UBE2W: variants seen among roughly 807,000 people sequenced by gnomAD.
UBE2W encodes the protein ubiquitin conjugating enzyme E2 W, also known as ubiquitin-conjugating enzyme E2 W.
UBE2W carries 18 observed loss-of-function variants against 27.2 expected under a neutral mutation model. The ratio of observed to expected loss-of-function variants is 0.66; its 90% confidence interval spans 0.46 to 0.98. The LOEUF is 0.98. UBE2W is among the 50% of genes least tolerant of loss of function. The probability of loss-of-function intolerance (pLI) is 0.00; values close to 1 mark genes in which losing one functional copy is unlikely to be tolerated. For missense variants in UBE2W, 90 were observed against 180.2 expected (o/e 0.50, Z 2.87); for synonymous variants, 53 against 57.2 (o/e 0.93, Z 0.33).
At chr8:73,856,312 C>T (rs915951736) in intron 1 of UBE2W, among the ~76,000 whole-genome samples, 11 of 150,782 alleles carry the variant, frequency 7.3e-5, no homozygotes, top group African/African-American at 2.4e-4. Flanking sequence ...CACTTTCTAC[C>T]TTTAAACACC....
chr8:73,807,324 TG>T (rs1368451235), intron 4 of UBE2W, among the ~76,000 whole-genome samples: 14 of 152,262 alleles, frequency 9.2e-5, no homozygotes, highest in Admixed American at 5.2e-4. Context: ...TGAAAATAAG[TG>T]AATTTGGTAT....
chr8:73,808,260 G>C (rs541948944), intron 4 of UBE2W, among the ~76,000 whole-genome samples: 51 of 152,268 alleles, frequency 3.3e-4, no homozygotes, highest in Non-Finnish European at 5.9e-4. Context: ...TTTTGAGACA[G>C]AGTCTTGCTC....
intron 1 of UBE2W, among the ~76,000 whole-genome samples, chr8:73,868,263 C>A (rs923997061): frequency 6.6e-6 from 1 of 152,096 alleles, no homozygotes; most frequent in Non-Finnish European, 1.5e-5. Flanking sequence ...TCAATCATGC[C>A]TAAGTAATGA....
chr8:73,793,278 T>G lies in UBE2W; in HGVS notation c.*824A>C. ...CAAATAACAAGCCCAAATTATGGAC[T>G]GCAGCAATTTAATCATCACTGCCAT... is the stretch of plus-strand genomic sequence containing the variant. On this transcript the variant is annotated 3_prime_UTR_variant, in exon 6 of 6. Coordinates refer to ENST00000602593, the MANE Select transcript of UBE2W (RefSeq NM_018299.6). 1 of 985,868 alleles carries G rather than the reference T, an allele frequency of 1.0e-6. No individual in the cohort carries two copies. Among genetic ancestry groups the G allele is most frequent in the Non-Finnish European group, 1.2e-6 (1 of 829,924 alleles). 61.1% of individuals were successfully genotyped at this position (985,868 alleles called of 1,614,324 possible).
At chr8:73,846,787 G>A (rs1810820938) in intron 1 of UBE2W, among the ~76,000 whole-genome samples, 1 of 152,222 alleles carries the variant, frequency 6.6e-6, no homozygotes, top group Non-Finnish European at 1.5e-5. Context: ...TAAGGTCGTA[G>A]TGTTTAAGAA....
At chr8:73,802,783 G>A (rs1342113282) in intron 5 of UBE2W, among the ~76,000 whole-genome samples, 2 of 152,166 alleles carry the variant, frequency 1.3e-5, no homozygotes, top group African/African-American at 2.4e-5. Context: ...CAGCACTTTG[G>A]GAGGCCGAGG....
At chr8:73,826,202 TTCATATATAACAA>T (rs1362659684) in intron 2 of UBE2W, among the ~76,000 whole-genome samples, 1 of 152,224 alleles carries the variant, frequency 6.6e-6, no homozygotes, top group East Asian at 1.9e-4. Context: ...AGCCTTTGTT[TTCATATATAACAA>T]TCATAAACAT....
intron 5 of UBE2W, among the ~76,000 whole-genome samples, chr8:73,804,849 G>C (rs1447101058): frequency 2.0e-5 from 3 of 151,638 alleles, no homozygotes; most frequent in Admixed American, 6.6e-5. Flanking sequence ...TCATGCATCA[G>C]CCTCCAGTGG....
chr8:73,860,111 G>A (rs527842231), intron 1 of UBE2W, among the ~76,000 whole-genome samples: 3 of 143,498 alleles, frequency 2.1e-5, no homozygotes, highest in South Asian at 4.7e-4. Context: ...TTACATACAG[G>A]AAGCTTAAGA....
chr8:73,827,847 A>AT (rs1809914700), intron 2 of UBE2W, among the ~76,000 whole-genome samples: 1 of 152,174 alleles, frequency 6.6e-6, no homozygotes, highest in African/African-American at 2.4e-5. Flanking sequence ...GCCAGGACTA[A>AT]TAAGTTTGTA....
intron 1 of UBE2W, among the ~76,000 whole-genome samples, chr8:73,876,422 G>C (rs1812223831): frequency 6.6e-6 from 1 of 152,052 alleles, no homozygotes; most frequent in African/African-American, 2.4e-5. Context: ...TATTCTTAAA[G>C]ATACTACCAG....
chr8:73,870,168 T>C (rs1466848203), intron 1 of UBE2W: 3 of 1,207,342 alleles, frequency 2.5e-6, no homozygotes, highest in African/African-American at 1.5e-5. Context: ...GAAGAAAAAA[T>C]TGTGCATTAA....
At chr8:73,856,955 C>T (rs1811327384) in intron 1 of UBE2W, among the ~76,000 whole-genome samples, 1 of 152,162 alleles carries the variant, frequency 6.6e-6, no homozygotes, top group Admixed American at 6.5e-5. Flanking sequence ...GATCCGCCCA[C>T]CTTGGCCTCC....
rs569475242 is a variant in UBE2W at position 73,796,669 on chromosome 8, C to T, written c.443-2554G>A. 13 of 984,704 alleles carry T rather than the reference C, an allele frequency of 1.3e-5. No individual in the cohort carries two copies. In the African/African-American group the frequency reaches 1.6e-4, roughly 12 times the overall value. 61.0% of individuals were successfully genotyped at this position (984,704 alleles called of 1,614,324 possible). A position where few individuals can be genotyped will look rare whatever the true frequency, so the allele number is the denominator to read the frequency against. On this transcript the variant is annotated intron_variant, in intron 5 of 5. Transcript: ENST00000602593. ...TAACAGCTAGATCAACAGGGACTTGCGGGACTACGAATCCATGATGGCTAT... is the reference window on the plus strand; with the variant it reads ...TAACAGCTAGATCAACAGGGACTTGTGGGACTACGAATCCATGATGGCTAT...
intron 3 of UBE2W, among the ~76,000 whole-genome samples, chr8:73,818,847 T>C (rs1809494861): frequency 6.6e-6 from 1 of 152,204 alleles, no homozygotes; most frequent in African/African-American, 2.4e-5. Context: ...GCCATGATGG[T>C]AAGCGTCCTG....
intron 1 of UBE2W, among the ~76,000 whole-genome samples, chr8:73,846,402 G>GA (rs1264614171): frequency 2.6e-5 from 4 of 151,690 alleles, no homozygotes; most frequent in Non-Finnish European, 4.4e-5. Flanking sequence ...ATCTCAAAAA[G>GA]AAAAAGAAAA....
Position 73,830,430 on chromosome 8 carries a change from G to A in UBE2W, c.58C>T (p.Pro20Ser), listed in dbSNP as rs17855421. The change falls in exon 2 of 6, where the codon CCT becomes TCT. Residue 20 changes from proline to serine, a missense_variant. Pro to Ser is a moderately conservative substitution (Grantham distance 74, BLOSUM62 -1). Coordinates refer to ENST00000602593, the MANE Select transcript of UBE2W (RefSeq NM_018299.6). The stretch of plus-strand genomic sequence containing the variant: ...TTCTCATTTAAGGTCATTCCAGGAG[G>A]TGGGTCATTTTGCAAAGCCAACAGT... Reference protein sequence around the residue: ...KELLALQNDPPPGMTLNEKSV... With the variant: ...KELLALQNDPSPGMTLNEKSV... 6.2e-7 allele frequency: 1 copy of A among 1,613,706 alleles called. No homozygotes were observed. The highest frequency in any genetic ancestry group is 2.2e-5 in the East Asian group (1 of 44,892).
At chr8:73,803,911 C>T (rs547240877) in intron 5 of UBE2W, among the ~76,000 whole-genome samples, 5 of 151,924 alleles carry the variant, frequency 3.3e-5, no homozygotes, top group South Asian at 4.1e-4. Context: ...GGACTACAGG[C>T]GCCTGCCACC....
chr8:73,833,403 A>G (rs1810173744), intron 1 of UBE2W, among the ~76,000 whole-genome samples: 1 of 151,938 alleles, frequency 6.6e-6, no homozygotes, highest in Admixed American at 6.5e-5. Context: ...AAAAAATTTT[A>G]AAGTAATTTT....
Sources: allele counts gnomAD v4.1 joint callset (sites outside exome capture counted in the v4.1 genomes callset), GRCh38; gene constraint gnomAD v4.1.1; transcripts MANE v1.5; gene names NCBI Gene and HGNC (gene_info 2026-07-23, HGNC 2026-07-21).